ACTR2: variants seen among roughly 807,000 people sequenced by gnomAD.
ACTR2 encodes actin-related protein 2.
Under a neutral mutation model 50.2 loss-of-function variants are expected in ACTR2, and 5 were observed. The ratio of observed to expected loss-of-function variants is 0.10; its 90% CI spans 0.05 to 0.21. ACTR2 has a LOEUF of 0.21. Ranked by LOEUF, ACTR2 falls within the 10% of genes least tolerant of loss-of-function variation. The pLI is 1.00. For missense variants in ACTR2, 180 were observed against 480.6 expected (o/e 0.37, Z 5.85); for synonymous variants, 140 against 162.9 (o/e 0.86, Z 1.07).
intron 1 of ACTR2, among the ~76,000 whole-genome samples, chr2:65,228,828 C>T (rs1558618080): frequency 6.6e-6 from 1 of 152,144 alleles, no homozygotes; most frequent in Non-Finnish European, 1.5e-5. Context: ...TCTGTAATCC[C>T]AGCACTTTGG....
At chr2:65,247,036 CAGA>C (rs969301027) in intron 3 of ACTR2, among the ~76,000 whole-genome samples, 1 of 151,870 alleles carries the variant, frequency 6.6e-6, no homozygotes, top group African/African-American at 2.4e-5. Flanking sequence ...GAGGAGCCAG[CAGA>C]AGGAGACTGA....
chr2:65,261,104 T>C (rs74262571), intron 6 of ACTR2, 143 bp from the exon 7 acceptor site: 14 of 752,146 alleles, frequency 1.9e-5, no homozygotes, highest in South Asian at 1.0e-4. Context: ...TACCTTTTTT[T>C]CCCCAAATAT....
At chr2:65,265,254 G>A (rs1344040789) in intron 8 of ACTR2, 79 bp downstream of exon 8, 1 of 1,523,098 alleles carries the variant, frequency 6.6e-7, no homozygotes, top group Non-Finnish European at 9.1e-7. Flanking sequence ...ACAACCACCA[G>A]AGGGAGCAAG....
At chr2:65,236,880 CTTTGT>C (rs967142426) in intron 1 of ACTR2, among the ~76,000 whole-genome samples, 17 of 152,066 alleles carry the variant, frequency 1.1e-4, no homozygotes, top group African/African-American at 4.1e-4. Context: ...TTCTGTCTAC[CTTTGT>C]TTTATTACTG....
intron 6 of ACTR2, among the ~76,000 whole-genome samples, chr2:65,260,720 G>A (rs950456930): frequency 2.7e-5 from 4 of 150,350 alleles, no homozygotes; most frequent in Admixed American, 1.3e-4. Context: ...ATTTGGGGGC[G>A]TGGCATACCT....
chr2:65,265,687 T>C (rs1672356678), intron 8 of ACTR2, among the ~76,000 whole-genome samples: 1 of 152,210 alleles, frequency 6.6e-6, no homozygotes, highest in Non-Finnish European at 1.5e-5. Flanking sequence ...AATTGGTTGT[T>C]GTTGGTATGT....
intron 1 of ACTR2, 132 bp downstream of exon 1, chr2:65,228,089 A>C (rs1036605987): frequency 1.3e-6 from 1 of 799,176 alleles, no homozygotes. Context: ...GGTGCCTCCC[A>C]CCTCCGCGGG....
intron 3 of ACTR2, among the ~76,000 whole-genome samples, chr2:65,248,533 G>A (rs1573157834): frequency 6.6e-6 from 1 of 152,184 alleles, no homozygotes; most frequent in Admixed American, 6.5e-5. Context: ...AAGAGTTGGA[G>A]ACTTTTTCAG....
rs1004908433 is a variant in ACTR2 at position 65,269,775 on chromosome 2, T to A, written c.*1041T>A. On this transcript the variant is annotated 3_prime_UTR_variant, in exon 9 of 9. Transcript: ENST00000260641. Reference sequence around the variant, plus strand: ...ATAATTACTGGCAGTAGGTTATAATTGGTGGTTTAAAAATAACATTGGAAT... The same window carrying A: ...ATAATTACTGGCAGTAGGTTATAATAGGTGGTTTAAAAATAACATTGGAAT... 12 of 152,340 alleles carry A rather than the reference T, an allele frequency of 7.9e-5. No individual in the cohort carries two copies. The highest frequency in any genetic ancestry group is 2.9e-4 in the African/African-American group (12 of 41,578). 9.4% of individuals were successfully genotyped at this position (152,340 alleles called of 1,614,324 possible). A position where few individuals can be genotyped will look rare whatever the true frequency, so the allele number is the denominator to read the frequency against.
At chr2:65,262,969 C>T (rs1384811090) in intron 7 of ACTR2, among the ~76,000 whole-genome samples, 1 of 147,610 alleles carries the variant, frequency 6.8e-6, no homozygotes, top group Non-Finnish European at 1.5e-5. Context: ...CTGTCTCTCC[C>T]CACCGCCACA....
intron 2 of ACTR2, chr2:65,242,090 T>C (rs1194317806): frequency 6.5e-7 from 1 of 1,549,628 alleles, no homozygotes; most frequent in Non-Finnish European, 8.9e-7. Flanking sequence ...ACATGCTCTG[T>C]TTGTTTTCCA....
intron 4 of ACTR2, 152 bp from the exon 5 acceptor site, chr2:65,253,576 G>A (rs937820331): frequency 7.3e-5 from 52 of 711,748 alleles, no homozygotes; most frequent in Non-Finnish European, 1.0e-4. Flanking sequence ...TAATACTTAT[G>A]CATTAGAAAC....
At chr2:65,234,748 G>C (rs763573261) in intron 1 of ACTR2, among the ~76,000 whole-genome samples, 3 of 152,136 alleles carry the variant, frequency 2.0e-5, no homozygotes, top group South Asian at 4.1e-4. Context: ...CTTCTCTTAC[G>C]ATTTCTCACT....
chr2:65,270,334 T>C lies in ACTR2; in HGVS notation c.*1600T>C, dbSNP rs1162758989. The C allele has an allele frequency of 6.6e-6, 1 of 152,622 alleles. No homozygotes were observed. Among genetic ancestry groups the C allele is most frequent in the African/African-American group, 2.4e-5 (1 of 41,432 alleles). The allele number at this position is 152,622 out of a possible 1,614,324, so 9.5% of individuals were successfully genotyped here. ...TTAGCTTAAATAAGCAGCAGAAGGTTAGTTTTAATTATGTAGCTTCTGTTA... is the reference window on the plus strand; with the variant it reads ...TTAGCTTAAATAAGCAGCAGAAGGTCAGTTTTAATTATGTAGCTTCTGTTA... On this transcript the variant is annotated 3_prime_UTR_variant, in exon 9 of 9. Transcript: ENST00000260641.
intron 4 of ACTR2, among the ~76,000 whole-genome samples, chr2:65,253,129 G>T (rs1672084549): frequency 6.6e-6 from 1 of 151,994 alleles, no homozygotes; most frequent in African/African-American, 2.4e-5. Context: ...AAAAAATAAA[G>T]AATTGTACAG....
intron 1 of ACTR2, among the ~76,000 whole-genome samples, chr2:65,236,374 G>A (rs1348537304): frequency 6.6e-6 from 1 of 151,644 alleles, no homozygotes; most frequent in Non-Finnish European, 1.5e-5. Context: ...CTGGATGGCA[G>A]AATGTCCTAG....
Position 65,227,937 on chromosome 2 carries a change from G to T in ACTR2, c.28G>T (p.Val10Leu), listed in dbSNP as rs1281166569. MDSQGRKVV[V>L]CDNGTGFVKC... ...GGACAGCCAGGGCAGGAAGGTGGTG[G>T]TGTGCGACAACGGCACCGGGGTAAG... is the stretch of plus-strand genomic sequence containing the variant. Residue 10 changes from valine (V) to leucine (L), a missense_variant, in exon 1 of 9, where the codon GTG becomes TTG. By Grantham distance (32) the Val-to-Leu change is conservative (BLOSUM62 1). Transcript: ENST00000260641. The T allele has an allele frequency of 6.6e-7, 1 of 1,523,892 alleles. No individual in the cohort carries two copies. Among genetic ancestry groups the T allele is most frequent in the Non-Finnish European group, 8.8e-7 (1 of 1,136,730 alleles). 94.4% of individuals were successfully genotyped at this position (1,523,892 alleles called of 1,614,324 possible).
chr2:65,245,513 C>T (rs979998210), intron 2 of ACTR2, among the ~76,000 whole-genome samples: 3 of 152,250 alleles, frequency 2.0e-5, no homozygotes, highest in Admixed American at 1.3e-4. Flanking sequence ...GAGCGAGACT[C>T]AGTCTCAAAA....
chr2:65,268,440 C>CT (rs1672426786), intron 8 of ACTR2, 124 bp from the exon 9 acceptor site: 10 of 709,618 alleles, frequency 1.4e-5, no homozygotes, highest in East Asian at 3.2e-5. Context: ...CCAAATATTA[C>CT]GTTCTACTTA....
Sources: allele counts gnomAD v4.1 joint callset (sites outside exome capture counted in the v4.1 genomes callset), GRCh38; gene constraint gnomAD v4.1.1; transcripts MANE v1.5; gene names NCBI Gene and HGNC (gene_info 2026-07-23, HGNC 2026-07-21).